Variants in INPP4B observed in about 807,000 individuals in gnomAD.
INPP4B encodes inositol polyphosphate 4-phosphatase type II.
Under a neutral mutation model 122.5 loss-of-function variants are expected in INPP4B, and 55 were observed. That is an observed-to-expected ratio of 0.45 (90% CI 0.36 to 0.56). The LOEUF (loss-of-function observed/expected upper bound fraction) is 0.56, where lower values mean the gene tolerates loss of function less well. INPP4B is among the 20% of genes least tolerant of loss of function. The pLI, the probability that INPP4B is intolerant of heterozygous loss-of-function variation, is 0.00. For synonymous variants in INPP4B, 403 were observed against 388.7 expected, an observed-to-expected ratio of 1.04 and a Z score of -0.43; for missense variants, 1,000 against 1,097.7, an observed-to-expected ratio of 0.91 and a Z score of 1.26.
Position 142,636,909 on chromosome 4 carries a change from T to C in INPP4B, c.-191+88930A>G, listed in dbSNP as rs184711472. Among the ~76,000 whole-genome samples the C allele has an allele frequency of 4.2e-4, 64 of 152,220 alleles. 1 individual carries two copies. The East Asian group carries it at 9.8e-3, about 23-fold the overall frequency. On this transcript the variant is annotated intron_variant, in intron 2 of 25. Coordinates refer to ENST00000262992, the MANE Select transcript of INPP4B (RefSeq NM_001101669.3). ...TTTTATGGCTACAATTGACAACAAC[T>C]TTTTCAATGATTCTTCCTATAGATG...
intron 7 of INPP4B, among the ~76,000 whole-genome samples, chr4:142,334,096 G>A (rs1000899418): frequency 1.3e-5 from 2 of 151,960 alleles, no homozygotes; most frequent in Non-Finnish European, 2.9e-5. Flanking sequence ...TTTAGATTCC[G>A]CATGTGAGAA....
intron 15 of INPP4B, among the ~76,000 whole-genome samples, chr4:142,185,110 T>C (rs1832586869): frequency 6.6e-6 from 1 of 152,182 alleles, no homozygotes; most frequent in South Asian, 2.1e-4. Context: ...TCTTAACCCA[T>C]GTTTCATTAT....
chr4:142,043,145 C>T (rs1339668614), intron 25 of INPP4B, among the ~76,000 whole-genome samples: 2 of 152,098 alleles, frequency 1.3e-5, no homozygotes, highest in African/African-American at 4.8e-5. Flanking sequence ...TATTCTTTTC[C>T]CACTTCTATT....
intron 23 of INPP4B, among the ~76,000 whole-genome samples, chr4:142,090,303 T>TA (rs397782221): frequency 6.6e-6 from 1 of 151,618 alleles, no homozygotes; most frequent in Non-Finnish European, 1.5e-5. Flanking sequence ...ATTTTTTTTT[T>TA]AACATTTTTA....
chr4:142,558,463 G>A (rs1166494709), intron 2 of INPP4B, among the ~76,000 whole-genome samples: 1 of 151,942 alleles, frequency 6.6e-6, no homozygotes, highest in East Asian at 1.9e-4. Context: ...AAGTTAGGGA[G>A]GAAATAGATC....
rs6818400 is a variant in INPP4B at position 142,221,629 on chromosome 4, C to G, written c.837-12603G>C. ...AGGTTTTTTTTTTATGTTACTATGG[C>G]TCTTTTTAAATAAATTACAGATGCT... On this transcript the variant is annotated intron_variant, in intron 12 of 25. Coordinates refer to ENST00000262992, the MANE Select transcript of INPP4B (RefSeq NM_001101669.3). 5.0e-3 allele frequency among the ~76,000 whole-genome samples: 761 copies of G among 151,666 alleles called. 14 individuals are homozygous for G. Among genetic ancestry groups the G allele is most frequent in the African/African-American group, 0.017 (700 of 41,344 alleles).
chr4:142,175,192 G>A (rs1292563665), intron 15 of INPP4B, among the ~76,000 whole-genome samples: 1 of 152,022 alleles, frequency 6.6e-6, no homozygotes, highest in African/African-American at 2.4e-5. Flanking sequence ...TACTGAATAT[G>A]TCTACTACAT....
chr4:142,630,269 T>A (rs1453621854), intron 2 of INPP4B, among the ~76,000 whole-genome samples: 2 of 152,146 alleles, frequency 1.3e-5, no homozygotes, highest in Non-Finnish European at 2.9e-5. Context: ...TGTGGTTAAA[T>A]AAGGCAATGC....
At chr4:142,369,028 C>T (rs1219952093) in intron 7 of INPP4B, among the ~76,000 whole-genome samples, 2 of 151,956 alleles carry the variant, frequency 1.3e-5, no homozygotes, top group Admixed American at 6.6e-5. Context: ...AGAAGAGGAA[C>T]TGGGAGGAAG....
At chr4:142,116,460 G>C (rs1793504968) in intron 21 of INPP4B, among the ~76,000 whole-genome samples, 1 of 152,058 alleles carries the variant, frequency 6.6e-6, no homozygotes, top group Non-Finnish European at 1.5e-5. Flanking sequence ...ATAACAAACT[G>C]TCTCTCAGAT....
intron 2 of INPP4B, among the ~76,000 whole-genome samples, chr4:142,640,129 A>C (rs1439024105): frequency 6.6e-6 from 1 of 152,172 alleles, no homozygotes; most frequent in Non-Finnish European, 1.5e-5. Flanking sequence ...ACTAGACCGA[A>C]TGTCATATTT....
intron 16 of INPP4B, among the ~76,000 whole-genome samples, chr4:142,164,989 G>A (rs755178521): frequency 6.6e-6 from 1 of 151,536 alleles, no homozygotes; most frequent in East Asian, 1.9e-4. Context: ...AGCCCACAAG[G>A]GACCTTAAAT....
At chr4:142,344,231 T>A (rs1453825762) in intron 7 of INPP4B, among the ~76,000 whole-genome samples, 1 of 152,054 alleles carries the variant, frequency 6.6e-6, no homozygotes, top group African/African-American at 2.4e-5. Flanking sequence ...AGAGCATTAG[T>A]CTCCTTAGAA....
intron 2 of INPP4B, among the ~76,000 whole-genome samples, chr4:142,544,962 AC>A (rs1829384279): frequency 1.3e-5 from 2 of 152,240 alleles, no homozygotes; most frequent in African/African-American, 4.8e-5. Flanking sequence ...ACACTGAGAA[AC>A]AAAACCATGT....
intron 25 of INPP4B, among the ~76,000 whole-genome samples, chr4:142,041,564 G>A (rs1747548935): frequency 6.6e-6 from 1 of 152,072 alleles, no homozygotes; most frequent in Non-Finnish European, 1.5e-5. Context: ...GTTGCAGTGA[G>A]CCGAGATCAG....
In INPP4B at chr4:142,025,616, A is replaced by G. The variant is rs2152243986; in HGVS notation, c.*3166T>C. On this transcript the variant is annotated 3_prime_UTR_variant, in exon 26 of 26. Coordinates refer to ENST00000262992, the MANE Select transcript of INPP4B (RefSeq NM_001101669.3). ...AGAAAGGCATTACTTTATACACATCAGTTTCTCTCCTTTTTTACCTCTTAT... is the reference window on the plus strand; with the variant it reads ...AGAAAGGCATTACTTTATACACATCGGTTTCTCTCCTTTTTTACCTCTTAT... 6.6e-6 allele frequency: 1 copy of G among 152,268 alleles called. No individual in the cohort carries two copies. The highest frequency in any genetic ancestry group is 1.5e-5 in the Non-Finnish European group (1 of 68,028). 9.4% of individuals were successfully genotyped at this position (152,268 alleles called of 1,614,324 possible).
intron 2 of INPP4B, among the ~76,000 whole-genome samples, chr4:142,570,644 A>G (rs1411656944): frequency 6.6e-6 from 1 of 152,104 alleles, no homozygotes; most frequent in Non-Finnish European, 1.5e-5. Flanking sequence ...AGAAGAATAA[A>G]AAAATTTGTT....
intron 2 of INPP4B, among the ~76,000 whole-genome samples, chr4:142,655,294 C>T (rs1450236171): frequency 6.6e-6 from 1 of 152,138 alleles, no homozygotes; most frequent in East Asian, 1.9e-4. Flanking sequence ...TTGTTCAATT[C>T]TTGTCATTTT....
intron 7 of INPP4B, among the ~76,000 whole-genome samples, chr4:142,360,189 C>T (rs1479281868): frequency 6.6e-6 from 1 of 151,910 alleles, no homozygotes; most frequent in Non-Finnish European, 1.5e-5. Flanking sequence ...TTCTAATGTT[C>T]ATATAAATAT....
Sources: gnomAD v4.1 joint callset for allele counts (sites outside exome capture counted in the v4.1 genomes callset) on GRCh38, gnomAD v4.1.1 for gene constraint, MANE v1.5 for transcripts, NCBI Gene and HGNC (gene_info 2026-07-23, HGNC 2026-07-21) for gene names.